Variants in ZNF892 observed in about 807,000 individuals in gnomAD.
The protein encoded by ZNF892 is zinc finger protein 570-like.
At chr2:95,227,106 T>TCCCC in the ZNF892 span, among the ~76,000 whole-genome samples, 2 of 49,668 alleles carry the variant, frequency 4.0e-5, no homozygotes, top group Non-Finnish European at 8.2e-5. Context: ...CTCCCTCCCC[T>TCCCC]CCCCTCCCTC....
chr2:95,230,514 C>T, the ZNF892 span, among the ~76,000 whole-genome samples: 1 of 152,050 alleles, frequency 6.6e-6, no homozygotes, highest in Non-Finnish European at 1.5e-5. Flanking sequence ...TTTTAAGTTG[C>T]TTTGCGGAAG....
At chr2:95,244,314 C>G in the ZNF892 span, among the ~76,000 whole-genome samples, 1 of 146,502 alleles carries the variant, frequency 6.8e-6, no homozygotes, top group Non-Finnish European at 1.5e-5. Context: ...TCCCCCTCTG[C>G]GAGAAACACC....
chr2:95,227,604 G>A, the ZNF892 span, among the ~76,000 whole-genome samples: 1 of 151,132 alleles, frequency 6.6e-6, no homozygotes, highest in Non-Finnish European at 1.5e-5. Context: ...TTACAGGCCT[G>A]AGCCACTGCG....
chr2:95,235,469 C>T, the ZNF892 span, among the ~76,000 whole-genome samples: 3 of 151,506 alleles, frequency 2.0e-5, no homozygotes, highest in African/African-American at 2.4e-5. Context: ...TTACGCCATT[C>T]TCCTGCCTCA....
the ZNF892 span, among the ~76,000 whole-genome samples, chr2:95,245,316 T>C: frequency 4.1e-5 from 6 of 146,084 alleles, no homozygotes; most frequent in African/African-American, 1.5e-4. Context: ...AGTGGCATGA[T>C]CTTGGCTCAC....
chr2:95,245,022 T>C, the ZNF892 span, among the ~76,000 whole-genome samples: 1,003 of 152,230 alleles, frequency 6.6e-3, 7 homozygotes, highest in Non-Finnish European at 0.011. Context: ...CCAGAATATC[T>C]GGGACACAGC....
At chr2:95,250,667 ATTT>A in the ZNF892 span, among the ~76,000 whole-genome samples, 27 of 140,956 alleles carry the variant, frequency 1.9e-4, no homozygotes, top group African/African-American at 6.8e-4. Context: ...TAAATTATAA[ATTT>A]ATAAATATAA....
At chr2:95,233,204 CTT>C in the ZNF892 span, among the ~76,000 whole-genome samples, 11 of 143,612 alleles carry the variant, frequency 7.7e-5, no homozygotes, top group Admixed American at 1.4e-4. Flanking sequence ...TTTTCCTTTT[CTT>C]TTTTTTTTTT....
At chr2:95,215,650 ACCATACTTG>A in the ZNF892 span, 1 of 398,488 alleles carries the variant, frequency 2.5e-6, no homozygotes, top group Non-Finnish European at 4.4e-6. Flanking sequence ...TTGAGCATTT[ACCATACTTG>A]CTGTGGGGGT....
chr2:95,258,833 G>A, the ZNF892 span, among the ~76,000 whole-genome samples: 1 of 152,234 alleles, frequency 6.6e-6, no homozygotes, highest in South Asian at 2.1e-4. Flanking sequence ...TCCTCCACCT[G>A]TTAGGATTTC....
chr2:95,209,259 T>TA, the ZNF892 span, among the ~76,000 whole-genome samples: 10 of 150,326 alleles, frequency 6.7e-5, no homozygotes, highest in South Asian at 2.1e-4. Context: ...GGCCAAAAAA[T>TA]AAAAAAAAAG....
the ZNF892 span, among the ~76,000 whole-genome samples, chr2:95,221,096 A>G: frequency 2.6e-5 from 4 of 152,206 alleles, no homozygotes; most frequent in Non-Finnish European, 4.4e-5. Flanking sequence ...TTCCTCATAG[A>G]TATATGTTTT....
the ZNF892 span, among the ~76,000 whole-genome samples, chr2:95,233,612 G>T: frequency 7.5e-6 from 1 of 132,818 alleles, no homozygotes; most frequent in East Asian, 2.3e-4. Flanking sequence ...GGCGGAGCTT[G>T]CAGTGAGCTG....
chr2:95,226,845 C>T, the ZNF892 span, among the ~76,000 whole-genome samples: 1 of 152,092 alleles, frequency 6.6e-6, no homozygotes, highest in African/African-American at 2.4e-5. Context: ...GGGTCTCAAT[C>T]CACTGTGGTG....
the ZNF892 span, among the ~76,000 whole-genome samples, chr2:95,261,746 G>T: frequency 8.5e-5 from 13 of 152,356 alleles, no homozygotes; most frequent in African/African-American, 3.1e-4. Flanking sequence ...TTGCAAGGAG[G>T]TGGGAGGGAT....
At chr2:95,261,313 A>C in the ZNF892 span, among the ~76,000 whole-genome samples, 3 of 144,840 alleles carry the variant, frequency 2.1e-5, no homozygotes, top group African/African-American at 7.7e-5. Flanking sequence ...TTTTTTTTTG[A>C]GACACGGTTT....
At chr2:95,252,758 A>T in the ZNF892 span, among the ~76,000 whole-genome samples, 1 of 152,084 alleles carries the variant, frequency 6.6e-6, no homozygotes, top group East Asian at 1.9e-4. Context: ...TTGTTTCCTG[A>T]CTTTTTAATG....
the ZNF892 span, among the ~76,000 whole-genome samples, chr2:95,209,251 C>G: frequency 6.6e-6 from 1 of 150,968 alleles, no homozygotes; most frequent in Admixed American, 6.6e-5. Flanking sequence ...ATAGCTTTGG[C>G]CAAAAAATAA....
chr2:95,239,421 C>CT, the ZNF892 span, among the ~76,000 whole-genome samples: 3 of 152,158 alleles, frequency 2.0e-5, no homozygotes, highest in Admixed American at 6.5e-5. Context: ...GAGTAAAACA[C>CT]TATCAGACAG....
Sources: allele counts gnomAD v4.1 joint callset (sites outside exome capture counted in the v4.1 genomes callset), GRCh38; gene constraint gnomAD v4.1.1; transcripts MANE v1.5; gene names NCBI Gene and HGNC (gene_info 2026-07-23, HGNC 2026-07-21).